Variants in SAP30BP observed in about 807,000 individuals in gnomAD.
The protein encoded by SAP30BP is SAP30-binding protein.
Under a neutral mutation model 46.3 loss-of-function variants are expected in SAP30BP, and 31 were observed. That is an observed-to-expected ratio of 0.67 (90% confidence interval 0.50 to 0.90). The LOEUF (loss-of-function observed/expected upper bound fraction) is 0.90. Ranked by LOEUF, SAP30BP falls within the 40% of genes least tolerant of loss-of-function variation. SAP30BP has a pLI of 0.00. For synonymous variants in SAP30BP, 169 were observed against 144.2 expected (o/e 1.17, Z -1.23); for missense variants, 312 against 391.0 (o/e 0.80, Z 1.70).
intron 3 of SAP30BP, among the ~76,000 whole-genome samples, chr17:75,681,128 G>A (rs895043965): frequency 1.3e-4 from 20 of 152,322 alleles, no homozygotes; most frequent in African/African-American, 4.1e-4. Flanking sequence ...TTCAGTAGCT[G>A]CTTAAAAAAA....
intron 3 of SAP30BP, chr17:75,672,181 G>T: frequency 2.9e-6 from 1 of 348,524 alleles, no homozygotes; most frequent in South Asian, 3.1e-5. Flanking sequence ...CTGCCCTGCA[G>T]GTGGATTAGT....
intron 3 of SAP30BP, chr17:75,692,344 T>C: frequency 1.0e-6 from 1 of 985,472 alleles, no homozygotes; most frequent in Non-Finnish European, 1.2e-6. Flanking sequence ...GAAAAGGTCT[T>C]GTTGCAGGGT....
rs764590969 is a variant in SAP30BP at position 75,707,510 on chromosome 17, A to C, written c.*989A>C. 1 of 152,740 alleles carries C rather than the reference A, an allele frequency of 6.5e-6. No individual in the cohort carries two copies. Among genetic ancestry groups the C allele is most frequent in the Non-Finnish European group, 1.5e-5 (1 of 68,122 alleles). The allele number at this position is 152,740 out of a possible 1,614,324, so 9.5% of individuals were successfully genotyped here. A position where few individuals can be genotyped will look rare whatever the true frequency, so the allele number is the denominator to read the frequency against. On this transcript the variant is annotated 3_prime_UTR_variant, in exon 11 of 11. Coordinates refer to ENST00000584667, the MANE Select transcript of SAP30BP (RefSeq NM_013260.8). ...ACTGGAGCGGAAGGGCTGTGTGTCA[A>C]AAGAAGGAAGCCAGGCTGTGAAGGG... is the stretch of plus-strand genomic sequence containing the variant.
At chr17:75,668,079 CAG>C (rs1440437692) in intron 1 of SAP30BP, 6 of 160,952 alleles carry the variant, frequency 3.7e-5, no homozygotes, top group African/African-American at 1.2e-4. Flanking sequence ...ATAATGGAAA[CAG>C]ATTCCTTTGG....
Position 75,707,746 on chromosome 17 carries a change from G to A in SAP30BP, c.*1225G>A, listed in dbSNP as rs1451148960. Reference sequence around the variant, plus strand: ...CGATGGGGCTTTAAAGCTCTGGGGAGAAGAGCTGCTCCCCACTCATGCCCC... The same window carrying A: ...CGATGGGGCTTTAAAGCTCTGGGGAAAAGAGCTGCTCCCCACTCATGCCCC... On this transcript the variant is annotated 3_prime_UTR_variant, in exon 11 of 11. Coordinates refer to ENST00000584667, the MANE Select transcript of SAP30BP (RefSeq NM_013260.8). 6.6e-6 allele frequency: 1 copy of A among 152,294 alleles called. No homozygotes were observed. Among genetic ancestry groups the A allele is most frequent in the Non-Finnish European group, 1.5e-5 (1 of 68,054 alleles). 9.4% of individuals were successfully genotyped at this position (152,294 alleles called of 1,614,324 possible).
intron 4 of SAP30BP, among the ~76,000 whole-genome samples, chr17:75,695,328 T>C (rs972172216): frequency 1.3e-5 from 2 of 152,184 alleles, no homozygotes; most frequent in African/African-American, 4.8e-5. Flanking sequence ...AAATGTCCCC[T>C]TGGGGCAGAA....
intron 4 of SAP30BP, 123 bp from the exon 5 acceptor site, chr17:75,699,660 G>C (rs2060377208): frequency 1.5e-6 from 1 of 666,208 alleles, no homozygotes; most frequent in Non-Finnish European, 2.7e-6. Context: ...CGAACACTCA[G>C]TTGTACTGTT....
intron 8 of SAP30BP, among the ~76,000 whole-genome samples, chr17:75,704,212 A>G (rs1490697535): frequency 6.6e-6 from 1 of 152,170 alleles, no homozygotes; most frequent in Non-Finnish European, 1.5e-5. Flanking sequence ...GAAGAGGCAG[A>G]GGGGCCAGGC....
At chr17:75,694,447 C>G (rs2060285107) in intron 4 of SAP30BP, among the ~76,000 whole-genome samples, 2 of 152,232 alleles carry the variant, frequency 1.3e-5, no homozygotes, top group South Asian at 4.1e-4. Flanking sequence ...AGACCCTCAG[C>G]AGGAGGGCCT....
chr17:75,677,465 C>G (rs2060009005), intron 3 of SAP30BP, among the ~76,000 whole-genome samples: 1 of 145,968 alleles, frequency 6.9e-6, no homozygotes, highest in Admixed American at 6.9e-5. Context: ...CGAAGTCTCG[C>G]TCTGTCACCC....
chr17:75,678,304 G>A (rs2094500451), intron 3 of SAP30BP, among the ~76,000 whole-genome samples: 1 of 152,104 alleles, frequency 6.6e-6, no homozygotes, highest in Non-Finnish European at 1.5e-5. Context: ...AAATGGTGTA[G>A]CATTTGCATT....
rs1411939963 is a variant in SAP30BP, at chr17:75,693,460, G to C, written c.285G>C (p.Lys95Asn). The change falls in exon 4 of 11, where the codon AAG becomes AAC. Residue 95 changes from lysine to asparagine, a missense_variant. Coordinates refer to ENST00000584667, the MANE Select transcript of SAP30BP (RefSeq NM_013260.8). Reference protein sequence around the residue: ...DDPKDNTEAEKRDPQELVASF... With the variant: ...DDPKDNTEAENRDPQELVASF... ...TGCAGGATAATACAGAAGCAGAAAA[G>C]CGAGACCCCCAGGAACTCGTGGGTG... The C allele has an allele frequency of 6.2e-7, 1 of 1,614,078 alleles. No homozygotes were observed.
intron 3 of SAP30BP, among the ~76,000 whole-genome samples, chr17:75,674,109 T>G (rs999998945): frequency 1.3e-5 from 2 of 152,076 alleles, no homozygotes; most frequent in Non-Finnish European, 2.9e-5. Flanking sequence ...GCCAGGCCTT[T>G]AGGAGTCCTC....
At chr17:75,703,923 A>G in intron 8 of SAP30BP, 64 bp downstream of exon 8, 2 of 1,205,010 alleles carry the variant, frequency 1.7e-6, no homozygotes, top group Non-Finnish European at 2.5e-6. Context: ...TTATCCAGTC[A>G]GTTGGTTATC....
intron 3 of SAP30BP, among the ~76,000 whole-genome samples, chr17:75,690,070 A>C (rs8077331): frequency 1.3e-4 from 20 of 152,150 alleles, no homozygotes; most frequent in Non-Finnish European, 2.9e-5. Flanking sequence ...TCATTACACA[A>C]TAATATATCC....
chr17:75,689,414 A>G (rs1435010857), intron 3 of SAP30BP, among the ~76,000 whole-genome samples: 1 of 152,002 alleles, frequency 6.6e-6, no homozygotes, highest in Non-Finnish European at 1.5e-5. Context: ...TCTTGATTGG[A>G]ATTGAATGAG....
intron 3 of SAP30BP, among the ~76,000 whole-genome samples, chr17:75,674,571 C>T (rs2059955092): frequency 6.6e-6 from 1 of 152,014 alleles, no homozygotes; most frequent in Non-Finnish European, 1.5e-5. Flanking sequence ...GCTGGGATTA[C>T]AGGCATAAGC....
At chr17:75,676,875 G>A (rs1038098587) in intron 3 of SAP30BP, among the ~76,000 whole-genome samples, 2 of 152,082 alleles carry the variant, frequency 1.3e-5, no homozygotes, top group Non-Finnish European at 2.9e-5. Flanking sequence ...GTATGTATAG[G>A]TCTCAGTACT....
At chr17:75,681,087 C>T (rs1169358945) in intron 3 of SAP30BP, among the ~76,000 whole-genome samples, 9 of 152,162 alleles carry the variant, frequency 5.9e-5, no homozygotes, top group Admixed American at 1.3e-4. Flanking sequence ...ATGTCATTAG[C>T]TTCAGACACT....
Sources: gnomAD v4.1 joint callset for allele counts (sites outside exome capture counted in the v4.1 genomes callset) on GRCh38, gnomAD v4.1.1 for gene constraint, MANE v1.5 for transcripts, NCBI Gene and HGNC (gene_info 2026-07-23, HGNC 2026-07-21) for gene names.